Variants in CCDC144A observed in about 807,000 individuals in gnomAD.
CCDC144A encodes the protein coiled-coil domain containing 144A.
Under a neutral mutation model 143.8 loss-of-function variants are expected in CCDC144A, and 41 were observed. The ratio of observed to expected loss-of-function variants is 0.29; its 90% CI spans 0.22 to 0.37. The LOEUF is 0.37. Among genes scored for constraint, CCDC144A ranks in the 10% least tolerant of loss-of-function variants. The pLI, the probability that CCDC144A is intolerant of heterozygous loss-of-function variation, is 1.00. For synonymous variants in CCDC144A, 242 were observed against 517.9 expected, an observed-to-expected ratio of 0.47 and a Z score of 7.23; for missense variants, 637 against 1,488.8, an observed-to-expected ratio of 0.43 and a Z score of 9.41.
At chr17:16,686,233 C>A (rs1354988424), upstream of CCDC144A, among the ~76,000 whole-genome samples, 1 of 151,534 alleles carries the variant, frequency 6.6e-6, no homozygotes, top group African/African-American at 2.4e-5. Flanking sequence ...TATGTGCAAA[C>A]CATCTAGAAC....
Position 16,690,418 on chromosome 17 carries a change from A to G in CCDC144A, c.18A>G (p.Gly6=), listed in dbSNP as rs367735394. The part of the protein sequence containing the change: MASWG[G]EKRGGAEGSP... ...CGCTACTGATGGCCTCCTGGGGTGG[A>G]GAAAAGCGGGGAGGGGCTGAGGGGT... Residue 6 remains glycine, a synonymous_variant, in exon 1 of 17, where the codon GGA becomes GGG. Transcript: ENST00000399273. 6.8e-4 allele frequency: 1,068 copies of G among 1,578,202 alleles called. 13 individuals carry two copies. The African/African-American group carries it at 0.013, about 19-fold the overall frequency.
At position 16,742,015 on chromosome 17, in the gene CCDC144A, G is replaced by A. The variant is rs569812375; in HGVS notation, c.3372+6372G>A. ...GAGGCAGGAGAATGACTTGAACCCC[G>A]GAGGCGGAGATTGCAGTGAGCTGAG... On this transcript the variant is annotated intron_variant, in intron 12 of 16. Coordinates refer to ENST00000399273, the MANE Select transcript of CCDC144A (RefSeq NM_001382000.1). Among the ~76,000 whole-genome samples, 121 of 151,914 alleles carry A rather than the reference G, an allele frequency of 8.0e-4. 1 individual carries two copies. The highest frequency in any genetic ancestry group is 2.8e-3 in the African/African-American group (114 of 41,390).
chr17:16,684,096 C>T, the CCDC144A span: 8 of 1,019,380 alleles, frequency 7.8e-6, no homozygotes, highest in Middle Eastern at 3.0e-4. Flanking sequence ...AGTATGTTTA[C>T]GATAAATGGT....
chr17:16,743,135 G>GATA (rs1914335548), intron 12 of CCDC144A, among the ~76,000 whole-genome samples: 1 of 152,092 alleles, frequency 6.6e-6, no homozygotes, highest in East Asian at 1.9e-4. Flanking sequence ...ATATGCCCGT[G>GATA]ATAACTTAGC....
chr17:16,758,034 A>G (rs879069365), intron 12 of CCDC144A, among the ~76,000 whole-genome samples: 3 of 152,146 alleles, frequency 2.0e-5, no homozygotes, highest in Non-Finnish European at 4.4e-5. Flanking sequence ...GTGGTTACCT[A>G]CTTGCTGTTT....
chr17:16,747,244 C>T (rs1033255629), intron 12 of CCDC144A, among the ~76,000 whole-genome samples: 1 of 152,104 alleles, frequency 6.6e-6, no homozygotes, highest in African/African-American at 2.4e-5. Flanking sequence ...TCTGGGCTCT[C>T]TGTTCTGTTC....
chr17:16,678,930 T>G, the CCDC144A span, among the ~76,000 whole-genome samples: 1 of 151,932 alleles, frequency 6.6e-6, no homozygotes, highest in East Asian at 1.9e-4. Context: ...AATTTTGTAT[T>G]TTTAGTAGAG....
At chr17:16,717,115 T>TC (rs967230338) in intron 6 of CCDC144A, among the ~76,000 whole-genome samples, 9 of 139,520 alleles carry the variant, frequency 6.5e-5, no homozygotes, top group East Asian at 4.3e-4. Context: ...TTTTTTTTTT[T>TC]TTTTCTTTTC....
In CCDC144A at chr17:16,690,515, G is replaced by C. The variant is rs1230674405; in HGVS notation, c.115G>C (p.Gly39Arg). 6.2e-7 allele frequency: 1 copy of C among 1,611,138 alleles called. No individual in the cohort carries two copies. ...GAGCCAGGGGGACCAGTGGTACTTG[G>C]GCTACCCGGGGGACCAGTGGTCCTC... ...VGSQGDQWYLGYPGDQWSSGF... is the reference protein window; with the variant it reads ...VGSQGDQWYLRYPGDQWSSGF... The change falls in exon 1 of 17, where the codon GGC becomes CGC. Residue 39 changes from glycine (G) to arginine (R), a missense_variant. Physicochemically the swap from Gly to Arg is moderately radical, Grantham distance 125. Transcript: ENST00000399273.
chr17:16,742,239 C>T (rs1914289714), intron 12 of CCDC144A, among the ~76,000 whole-genome samples: 1 of 152,174 alleles, frequency 6.6e-6, no homozygotes, highest in African/African-American at 2.4e-5. Context: ...CCTCTAATAC[C>T]CACAGTTCTA....
intron 6 of CCDC144A, among the ~76,000 whole-genome samples, chr17:16,713,456 AT>A (rs1206421015): frequency 1.3e-5 from 2 of 152,212 alleles, no homozygotes; most frequent in Admixed American, 1.3e-4. Context: ...ACAAAATAAG[AT>A]TATTTTCTGC....
At chr17:16,706,596 CCTCA>C (rs1015395648) in intron 3 of CCDC144A, 8 of 146,854 alleles carry the variant, frequency 5.4e-5, no homozygotes, top group Admixed American at 3.4e-4. Context: ...ATTAGGCTAG[CCTCA>C]CTCTTTAAGC....
chr17:16,696,269 C>A (rs1567583120), intron 2 of CCDC144A, among the ~76,000 whole-genome samples: 2 of 151,314 alleles, frequency 1.3e-5, no homozygotes, highest in Non-Finnish European at 2.9e-5. Context: ...CCCACCTTGG[C>A]CTCTCAAGTG....
chr17:16,766,654 T>C (rs1915608557), intron 15 of CCDC144A, among the ~76,000 whole-genome samples: 3 of 152,086 alleles, frequency 2.0e-5, no homozygotes, highest in Middle Eastern at 3.4e-3. Context: ...GCAGGAGAAT[T>C]GCTTGAACCT....
chr17:16,693,355 C>T (rs556961160), intron 2 of CCDC144A, among the ~76,000 whole-genome samples: 1 of 149,520 alleles, frequency 6.7e-6, no homozygotes, highest in Non-Finnish European at 1.5e-5. Flanking sequence ...GTCTCGCTGT[C>T]GCCCAGGCTG....
chr17:16,759,056 C>T (rs1915235120), intron 12 of CCDC144A, among the ~76,000 whole-genome samples: 1 of 152,178 alleles, frequency 6.6e-6, no homozygotes, highest in Non-Finnish European at 1.5e-5. Flanking sequence ...TAGAGCCTTA[C>T]ACTGACAGTC....
the CCDC144A span, among the ~76,000 whole-genome samples, chr17:16,671,403 G>A: frequency 4.6e-5 from 7 of 152,138 alleles, no homozygotes; most frequent in Admixed American, 6.5e-5. Flanking sequence ...CAAAATAGGC[G>A]TTATTCTGTA....
At chr17:16,684,438 G>C in the CCDC144A span, among the ~76,000 whole-genome samples, 1 of 152,012 alleles carries the variant, frequency 6.6e-6, no homozygotes, top group African/African-American at 2.4e-5. Context: ...GATGGATCAC[G>C]GGGTCAGGAG....
Position 16,776,955 on chromosome 17 carries a change from C to T in CCDC144A, c.*3322C>T, listed in dbSNP as rs1359553145. 7 of 142,394 alleles carry T rather than the reference C, an allele frequency of 4.9e-5. No individual in the cohort carries two copies. The highest frequency in any genetic ancestry group is 1.9e-4 in the African/African-American group (7 of 37,458). The allele number at this position is 142,394 out of a possible 1,614,324, so 8.8% of individuals were successfully genotyped here. On this transcript the variant is annotated 3_prime_UTR_variant, in exon 17 of 17. Coordinates refer to ENST00000399273, the MANE Select transcript of CCDC144A (RefSeq NM_001382000.1). ...TCACCAACCAAGTTGCTGCTGTCTT[C>T]AGGAGACTCACCTAACACATACGGA...
Sources: allele counts gnomAD v4.1 joint callset (sites outside exome capture counted in the v4.1 genomes callset), GRCh38; gene constraint gnomAD v4.1.1; transcripts MANE v1.5; gene names NCBI Gene and HGNC (gene_info 2026-07-23, HGNC 2026-07-21).